ERAP1: variants seen among roughly 807,000 people sequenced by gnomAD.
ERAP1 encodes adipocyte-derived leucine aminopeptidase.
ERAP1 carries 86 observed loss-of-function variants against 103.7 expected under a neutral mutation model. The observed-to-expected ratio is 0.83, with a 90% confidence interval of 0.70 to 0.99. The LOEUF is 0.99. Among genes scored for constraint, ERAP1 ranks in the 50% least tolerant of loss-of-function variants. The pLI is 0.00. For synonymous variants in ERAP1, 398 were observed against 402.4 expected, an observed-to-expected ratio of 0.99 and a Z score of 0.13; for missense variants, 1,009 against 1,128.4, an observed-to-expected ratio of 0.89 and a Z score of 1.52.
intron 12 of ERAP1, 32 bp from the exon 13 acceptor site, chr5:96,786,003 T>C (rs913337294): frequency 6.2e-7 from 1 of 1,604,706 alleles, no homozygotes; most frequent in Non-Finnish European, 8.5e-7. Context: ...AAAGTTCCAT[T>C]TGCTCCCCTG....
At chr5:96,784,323 C>T (rs1232761231) in intron 13 of ERAP1, among the ~76,000 whole-genome samples, 3 of 152,000 alleles carry the variant, frequency 2.0e-5, no homozygotes, top group South Asian at 2.1e-4. Flanking sequence ...GGTGAAACCC[C>T]GTCTCTACTA....
intron 1 of ERAP1, among the ~76,000 whole-genome samples, chr5:96,807,600 C>T (rs960006196): frequency 1.3e-5 from 2 of 152,234 alleles, no homozygotes; most frequent in African/African-American, 4.8e-5. Flanking sequence ...GGCCCGCCGC[C>T]AACCCGCCGG....
At chr5:96,788,119 A>G (rs547825403) in intron 11 of ERAP1, among the ~76,000 whole-genome samples, 1 of 152,272 alleles carries the variant, frequency 6.6e-6, no homozygotes, top group South Asian at 2.1e-4. Flanking sequence ...CAGGTTCCAA[A>G]TCTAACTCAG....
chr5:96,870,282 G>A, the ERAP1 span, among the ~76,000 whole-genome samples: 1 of 152,168 alleles, frequency 6.6e-6, no homozygotes, highest in Non-Finnish European at 1.5e-5. Flanking sequence ...AACCACTCTT[G>A]TGACTCTGAT....
the ERAP1 span, among the ~76,000 whole-genome samples, chr5:96,855,269 C>T: frequency 6.6e-6 from 1 of 152,074 alleles, no homozygotes; most frequent in African/African-American, 2.4e-5. Flanking sequence ...ACAAATGTAA[C>T]CCTTATTTCC....
the ERAP1 span, among the ~76,000 whole-genome samples, chr5:96,857,087 T>C: frequency 6.6e-6 from 1 of 152,330 alleles, no homozygotes; most frequent in African/African-American, 2.4e-5. Flanking sequence ...TCCTATACTT[T>C]CTTCTGCCTC....
chr5:96,817,399 C>A, the ERAP1 span, among the ~76,000 whole-genome samples: 1 of 152,144 alleles, frequency 6.6e-6, no homozygotes, highest in Non-Finnish European at 1.5e-5. Flanking sequence ...ATAATGCCAA[C>A]CTCATTTCAT....
At chr5:96,908,793 G>T in the ERAP1 span, among the ~76,000 whole-genome samples, 1 of 152,182 alleles carries the variant, frequency 6.6e-6, no homozygotes, top group Non-Finnish European at 1.5e-5. Context: ...TTGGTAATTT[G>T]TCCAAGATTA....
At position 96,803,306 on chromosome 5, in the gene ERAP1, C is replaced by T. The variant is rs1036877501; in HGVS notation, c.524+97G>A. 3.7e-6 allele frequency: 5 copies of T among 1,338,758 alleles called. No homozygotes were observed. The Admixed American group carries it at 8.8e-5, about 23-fold the overall frequency. 82.9% of individuals were successfully genotyped at this position (1,338,758 alleles called of 1,614,324 possible). A position where few individuals can be genotyped will look rare whatever the true frequency, so the allele number is the denominator to read the frequency against. On this transcript the variant is annotated intron_variant, in intron 2 of 18. Coordinates refer to ENST00000443439, the MANE Select transcript of ERAP1 (RefSeq NM_001040458.3). Reference sequence around the variant, plus strand: ...CAAAAGCAAAACTGAAGAAAAAGTTCAACAGCAAAGGGAATTTTAAAAGAC... The same window carrying T: ...CAAAAGCAAAACTGAAGAAAAAGTTTAACAGCAAAGGGAATTTTAAAAGAC...
chr5:96,775,280 TCAAAG>T lies in ERAP1; in HGVS notation c.*1111_*1115del. The T allele has an allele frequency of 1.1e-6, 1 of 942,104 alleles. No individual in the cohort carries two copies. Among genetic ancestry groups the T allele is most frequent in the Non-Finnish European group, 1.3e-6 (1 of 791,816 alleles). The allele number at this position is 942,104 out of a possible 1,614,324, so 58.4% of individuals were successfully genotyped here. ...AGTCTTCACAAAAGAAAGAAAGACTTCAAAGCCAAAGAATGTCCTATTTGCTAATA... is the reference window on the plus strand; with the variant it reads ...AGTCTTCACAAAAGAAAGAAAGACTTCCAAAGAATGTCCTATTTGCTAATA... On this transcript the variant is annotated 3_prime_UTR_variant, in exon 19 of 19. Transcript: ENST00000443439.
chr5:96,780,840 G>T (rs1013147617), intron 17 of ERAP1, among the ~76,000 whole-genome samples: 3 of 152,216 alleles, frequency 2.0e-5, no homozygotes, highest in African/African-American at 4.8e-5. Flanking sequence ...TCAGGAAGGG[G>T]TTATGCCAGA....
At chr5:96,831,834 G>A in the ERAP1 span, among the ~76,000 whole-genome samples, 1 of 152,174 alleles carries the variant, frequency 6.6e-6, no homozygotes, top group Non-Finnish European at 1.5e-5. Context: ...CTAGCCCTCT[G>A]CCTTGCCCAT....
chr5:96,790,703 A>T, intron 8 of ERAP1, 60 bp from the exon 9 acceptor site: 1 of 1,483,200 alleles, frequency 6.7e-7, no homozygotes, highest in Non-Finnish European at 9.4e-7. Flanking sequence ...ATCTGAAATC[A>T]CATATTCTTT....
At chr5:96,876,285 G>A in the ERAP1 span, 1 of 152,336 alleles carries the variant, frequency 6.6e-6, no homozygotes, top group Non-Finnish European at 1.5e-5. Flanking sequence ...GGCAGCCACT[G>A]GCGATCCTTT....
At chr5:96,808,772 G>A (rs920716849), upstream of ERAP1, among the ~76,000 whole-genome samples, 26 of 152,238 alleles carry the variant, frequency 1.7e-4, no homozygotes, top group Admixed American at 1.7e-3. Flanking sequence ...GGCTAAATGA[G>A]GTAACAAGTC....
the ERAP1 span, chr5:96,912,798 A>G: frequency 6.3e-7 from 1 of 1,591,474 alleles, no homozygotes; most frequent in Non-Finnish European, 8.5e-7. Flanking sequence ...AAGTTACTGA[A>G]GTAAGTTCAA....
the ERAP1 span, among the ~76,000 whole-genome samples, chr5:96,834,457 A>G: frequency 2.6e-5 from 4 of 152,198 alleles, no homozygotes; most frequent in Admixed American, 2.0e-4. Context: ...TGTGAGTTCA[A>G]CACAGTGATC....
the ERAP1 span, among the ~76,000 whole-genome samples, chr5:96,928,219 A>G: frequency 6.6e-6 from 1 of 152,224 alleles, no homozygotes; most frequent in South Asian, 2.1e-4. Context: ...TATCCTTTGA[A>G]GCATACTTTG....
Position 96,775,224 on chromosome 5 carries a change from A to C in ERAP1, c.*1172T>G, listed in dbSNP as rs1237091899. 1 of 984,930 alleles carries C rather than the reference A, an allele frequency of 1.0e-6. No individual in the cohort carries two copies. Among genetic ancestry groups the C allele is most frequent in the Non-Finnish European group, 1.2e-6 (1 of 829,882 alleles). The allele number at this position is 984,930 out of a possible 1,614,324, so 61.0% of individuals were successfully genotyped here. On this transcript the variant is annotated 3_prime_UTR_variant, in exon 19 of 19. Transcript: ENST00000443439. Reference sequence around the variant, plus strand: ...TATCATCTATACATAAAACCTGAGCAGCAACTGTGTGCTGAAGCAACCGTG... The same window carrying C: ...TATCATCTATACATAAAACCTGAGCCGCAACTGTGTGCTGAAGCAACCGTG...
Sources: gnomAD v4.1 joint callset for allele counts (sites outside exome capture counted in the v4.1 genomes callset) on GRCh38, gnomAD v4.1.1 for gene constraint, MANE v1.5 for transcripts, NCBI Gene and HGNC (gene_info 2026-07-23, HGNC 2026-07-21) for gene names.